Variants in SLC45A4 observed in about 807,000 individuals in gnomAD.
The protein encoded by SLC45A4 is polyamine-transporter SLC45A4.
In SLC45A4, 32 loss-of-function variants were observed where a neutral mutation model predicts 63.7. The ratio of observed to expected loss-of-function variants is 0.50; its 90% CI spans 0.38 to 0.67. The LOEUF is 0.67. SLC45A4 is among the 30% of genes least tolerant of loss of function. The probability of loss-of-function intolerance (pLI) is 0.00; values close to 1 mark genes in which losing one functional copy is unlikely to be tolerated. For missense variants in SLC45A4, 1,027 were observed against 1,157.7 expected, an observed-to-expected ratio of 0.89 and a Z score of 1.64; for synonymous variants, 535 against 510.0, an observed-to-expected ratio of 1.05 and a Z score of -0.66.
intron 2 of SLC45A4, among the ~76,000 whole-genome samples, chr8:141,248,393 C>T (rs960665264): frequency 3.3e-5 from 5 of 151,976 alleles, no homozygotes; most frequent in African/African-American, 9.7e-5. Flanking sequence ...CATAGTGAGA[C>T]TCCATCTCCC....
intron 1 of SLC45A4, among the ~76,000 whole-genome samples, chr8:141,274,730 G>C (rs1829667947): frequency 6.6e-6 from 1 of 152,160 alleles, no homozygotes; most frequent in Non-Finnish European, 1.5e-5. Flanking sequence ...CCATCTCGAG[G>C]GACAGAATGG....
At chr8:141,234,482 C>T (rs1175189469) in intron 2 of SLC45A4, among the ~76,000 whole-genome samples, 6 of 152,194 alleles carry the variant, frequency 3.9e-5, no homozygotes, top group Non-Finnish European at 7.4e-5. Context: ...TTGACATTTC[C>T]CTTTCCTGTT....
chr8:141,264,020 G>A (rs1829157318), intron 1 of SLC45A4, among the ~76,000 whole-genome samples: 1 of 152,160 alleles, frequency 6.6e-6, no homozygotes, highest in African/African-American at 2.4e-5. Flanking sequence ...TATTTCTTCA[G>A]TTAAAGGGCC....
chr8:141,253,786 C>T (rs1375854327), intron 2 of SLC45A4, among the ~76,000 whole-genome samples: 2 of 152,164 alleles, frequency 1.3e-5, no homozygotes, highest in East Asian at 1.9e-4. Context: ...CGTCAACATC[C>T]GAAGATCACT....
At chr8:141,248,797 T>C (rs1828335192) in intron 2 of SLC45A4, among the ~76,000 whole-genome samples, 1 of 152,016 alleles carries the variant, frequency 6.6e-6, no homozygotes, top group Non-Finnish European at 1.5e-5. Flanking sequence ...GGCAGATGGC[T>C]TGAGCCCAGA....
chr8:141,292,514 C>T lies in SLC45A4; in HGVS notation c.-401+15582G>A, dbSNP rs375430129. Among the ~76,000 whole-genome samples the T allele has an allele frequency of 5.3e-5, 8 of 152,356 alleles. No individual in the cohort carries two copies. The East Asian group carries it at 9.6e-4, about 18-fold the overall frequency. On this transcript the variant is annotated intron_variant, in intron 1 of 8. Coordinates refer to ENST00000517878, the MANE Select transcript of SLC45A4 (RefSeq NM_001286646.2). ...CCTCGGGTCCCTCCTCGGAAGGCTGCGGCCCGCTCCTGCACCCCTGCTCTC... is the reference window on the plus strand; with the variant it reads ...CCTCGGGTCCCTCCTCGGAAGGCTGTGGCCCGCTCCTGCACCCCTGCTCTC...
chr8:141,294,259 G>A (rs1379439605), intron 1 of SLC45A4, among the ~76,000 whole-genome samples: 1 of 152,210 alleles, frequency 6.6e-6, no homozygotes, highest in African/African-American at 2.4e-5. Context: ...CACAGCGACT[G>A]GTCAGGGTGG....
At chr8:141,285,695 C>G (rs193127402) in intron 1 of SLC45A4, among the ~76,000 whole-genome samples, 3 of 152,358 alleles carry the variant, frequency 2.0e-5, no homozygotes, top group African/African-American at 7.2e-5. Context: ...CAGGACAAGA[C>G]TGAGAGGCAG....
At position 141,221,657 on chromosome 8, in the gene SLC45A4, C is replaced by A; in HGVS notation, c.350G>T (p.Gly117Val). ...GGCGAGGATGAAGGGCCGCCGGCGG[C>A]CCCAGCTCAGGGTGCACCGGTCACT... ...SASDRCTLSW[G>V]RRRPFILALC... is the part of the protein sequence containing the mutation. Residue 117 changes from glycine (G) to valine (V), a missense_variant, in exon 3 of 9, where the codon GGC (glycine) becomes GTC (valine). Coordinates refer to ENST00000517878, the MANE Select transcript of SLC45A4 (RefSeq NM_001286646.2). 3 of 1,614,072 alleles carry A rather than the reference C, an allele frequency of 1.9e-6. No homozygotes were observed. Among genetic ancestry groups the A allele is most frequent in the Non-Finnish European group, 2.5e-6 (3 of 1,180,044 alleles).
chr8:141,270,628 A>G (rs1226521179), intron 1 of SLC45A4, among the ~76,000 whole-genome samples: 11 of 152,130 alleles, frequency 7.2e-5, no homozygotes, highest in African/African-American at 2.7e-4. Flanking sequence ...CCAAGATCGC[A>G]TCGCTGCACT....
At chr8:141,217,448 G>A (rs890495090) in intron 5 of SLC45A4, among the ~76,000 whole-genome samples, 1 of 152,252 alleles carries the variant, frequency 6.6e-6, no homozygotes, top group African/African-American at 2.4e-5. Flanking sequence ...CCGGTCCCCA[G>A]TCTGGGCTGG....
chr8:141,237,088 T>C (rs993768539), intron 2 of SLC45A4, among the ~76,000 whole-genome samples: 1 of 152,242 alleles, frequency 6.6e-6, no homozygotes, highest in South Asian at 2.1e-4. Flanking sequence ...TTCTAAGATT[T>C]TGAAAATTAT....
chr8:141,212,186 G>C lies in SLC45A4; in HGVS notation c.2301+11C>G. On this transcript the variant is annotated intron_variant, in intron 8 of 8. Coordinates refer to ENST00000517878, the MANE Select transcript of SLC45A4 (RefSeq NM_001286646.2). ...CACTGGAATGTGTGTAAACGGGAGT[G>C]CGGCTCAGACCACGGACTCTGTCTC... 1 of 1,433,712 alleles carries C rather than the reference G, an allele frequency of 7.0e-7. No homozygotes were observed. The highest frequency in any genetic ancestry group is 1.5e-5 in the African/African-American group (1 of 68,270). 88.8% of individuals were successfully genotyped at this position (1,433,712 alleles called of 1,614,324 possible). A position where few individuals can be genotyped will look rare whatever the true frequency, so the allele number is the denominator to read the frequency against.
intron 2 of SLC45A4, chr8:141,230,360 G>A (rs1734141643): frequency 2.9e-6 from 1 of 344,396 alleles, no homozygotes; most frequent in Non-Finnish European, 5.7e-6. Flanking sequence ...ACAGAAGGCA[G>A]AGAGGGAAGC....
At chr8:141,214,192 C>CAAAA (rs11292288) in intron 7 of SLC45A4, among the ~76,000 whole-genome samples, 21 of 74,322 alleles carry the variant, frequency 2.8e-4, no homozygotes, top group Non-Finnish European at 5.5e-4. Context: ...ACTCTGTCTC[C>CAAAA]AAAAAAAAAA....
rs778146517 is a variant in SLC45A4 at position 141,212,440 on chromosome 8, G to T, written c.2058C>A (p.Val686=). 4.3e-6 allele frequency: 7 copies of T among 1,613,742 alleles called. No homozygotes were observed. The East Asian group carries it at 1.6e-4, about 36-fold the overall frequency. The stretch of plus-strand genomic sequence containing the variant: ...TGACGCGGACAGTCCCCACGGCGTC[G>T]ACCACGCCCCCAAGGGCAGAGGCCA... ...ILVASALGGV[V]DAVGTVRVIP... is the part of the protein sequence containing the mutation. The change falls in exon 8 of 9, where the codon GTC becomes GTA. Residue 686 remains valine, a synonymous_variant. Coordinates refer to ENST00000517878, the MANE Select transcript of SLC45A4 (RefSeq NM_001286646.2).
intron 1 of SLC45A4, among the ~76,000 whole-genome samples, chr8:141,257,463 G>A (rs1828847483): frequency 6.6e-6 from 1 of 152,214 alleles, no homozygotes; most frequent in Non-Finnish European, 1.5e-5. Flanking sequence ...AGTTTTCTAA[G>A]AAATCCTAAT....
intron 2 of SLC45A4, among the ~76,000 whole-genome samples, chr8:141,231,688 C>A (rs1406060000): frequency 1.8e-4 from 28 of 152,188 alleles, no homozygotes; most frequent in Admixed American, 1.8e-3. Context: ...GGGGGACCCT[C>A]CCCCATCAGA....
At chr8:141,267,086 G>A (rs757428554) in intron 1 of SLC45A4, among the ~76,000 whole-genome samples, 6 of 152,386 alleles carry the variant, frequency 3.9e-5, no homozygotes, top group Non-Finnish European at 8.8e-5. Context: ...GGACGGGGCA[G>A]GTGACCTGCC....
Sources: gnomAD v4.1 joint callset for allele counts (sites outside exome capture counted in the v4.1 genomes callset) on GRCh38, gnomAD v4.1.1 for gene constraint, MANE v1.5 for transcripts, NCBI Gene and HGNC (gene_info 2026-07-23, HGNC 2026-07-21) for gene names.